Variants in ARHGAP24 observed in about 807,000 individuals in gnomAD.
ARHGAP24 encodes rho GTPase-activating protein 24.
Under a neutral mutation model 76.4 loss-of-function variants are expected in ARHGAP24, and 50 were observed. That is an observed-to-expected ratio of 0.65 (90% CI 0.52 to 0.83). ARHGAP24 has a LOEUF of 0.83. ARHGAP24 is among the 40% of genes least tolerant of loss of function. The pLI, the probability that ARHGAP24 is intolerant of heterozygous loss-of-function variation, is 0.00. For missense variants in ARHGAP24, 930 were observed against 914.2 expected (o/e 1.02, Z -0.22); for synonymous variants, 345 against 323.3 (o/e 1.07, Z -0.72).
At chr4:85,709,457 A>T (rs1324138580) in intron 2 of ARHGAP24, among the ~76,000 whole-genome samples, 1 of 152,328 alleles carries the variant, frequency 6.6e-6, no homozygotes, top group East Asian at 1.9e-4. Context: ...AATTAGGAAT[A>T]GAGGGGAACC....
rs559425258 is a variant in ARHGAP24, at chr4:85,920,127, T to C, written c.269-3521T>C. 2.6e-5 allele frequency among the ~76,000 whole-genome samples: 4 copies of C among 152,338 alleles called. No individual in the cohort carries two copies. The South Asian group carries it at 8.3e-4, about 32-fold the overall frequency. ...TTGACTAATTGTTCTCAAACACTTA[T>C]TAGATTTAATATCTCTGGGATCGAT... On this transcript the variant is annotated intron_variant, in intron 3 of 9. Transcript: ENST00000395184.
At chr4:85,784,126 T>G (rs17395132) in intron 3 of ARHGAP24, among the ~76,000 whole-genome samples, 30,509 of 152,202 alleles carry the variant, frequency 0.2, 4,187 homozygotes, top group Non-Finnish European at 0.3. Flanking sequence ...AGGTTGCTCA[T>G]GATGGCTGAA....
At chr4:85,828,528 TAAA>T (rs67257658) in intron 3 of ARHGAP24, among the ~76,000 whole-genome samples, 12,530 of 146,120 alleles carry the variant, frequency 0.086, 613 homozygotes, top group Middle Eastern at 0.14. Context: ...TTTTTTTTTT[TAAA>T]AAAAGCCAAA....
chr4:85,747,261 A>G (rs1269586028), intron 3 of ARHGAP24, among the ~76,000 whole-genome samples: 1 of 152,178 alleles, frequency 6.6e-6, no homozygotes, highest in African/African-American at 2.4e-5. Flanking sequence ...AAATATCTTT[A>G]GAGTAGAAAG....
At chr4:85,803,876 G>A (rs1433361754) in intron 3 of ARHGAP24, among the ~76,000 whole-genome samples, 1 of 151,088 alleles carries the variant, frequency 6.6e-6, no homozygotes, top group Admixed American at 6.6e-5. Context: ...CAAACACTTC[G>A]TTTCCAGTGC....
chr4:85,929,552 T>A (rs3806763), intron 4 of ARHGAP24, among the ~76,000 whole-genome samples: 14,178 of 152,142 alleles, frequency 0.093, 775 homozygotes, highest in South Asian at 0.16. Context: ...ACATGGGGGC[T>A]GGGGTGCAGA....
At chr4:85,509,568 A>G (rs187908034) in intron 1 of ARHGAP24, among the ~76,000 whole-genome samples, 210 of 152,088 alleles carry the variant, frequency 1.4e-3, no homozygotes, top group African/African-American at 5.0e-3. Context: ...TACCTAATGA[A>G]CCATTTGTCT....
intron 9 of ARHGAP24, chr4:85,999,798 T>C (rs749892395): frequency 2.6e-5 from 4 of 152,194 alleles, no homozygotes; most frequent in Non-Finnish European, 5.9e-5. Flanking sequence ...TATAGAGATA[T>C]AAAATACCTA....
At chr4:85,677,880 T>C (rs1260177668) in intron 2 of ARHGAP24, among the ~76,000 whole-genome samples, 5 of 152,074 alleles carry the variant, frequency 3.3e-5, no homozygotes, top group African/African-American at 1.2e-4. Context: ...AGACCCTATC[T>C]CTATAGAGAA....
At chr4:85,490,408 T>A (rs914415182) in intron 1 of ARHGAP24, among the ~76,000 whole-genome samples, 5 of 152,222 alleles carry the variant, frequency 3.3e-5, no homozygotes, top group African/African-American at 1.2e-4. Flanking sequence ...TTGCCTTAAA[T>A]CTGAGCTTTG....
chr4:85,831,763 A>G (rs1284359564), intron 3 of ARHGAP24, among the ~76,000 whole-genome samples: 1 of 152,074 alleles, frequency 6.6e-6, no homozygotes, highest in Non-Finnish European at 1.5e-5. Flanking sequence ...TTAGTGGGAC[A>G]TGGTGGTATG....
rs78947081 is a variant in ARHGAP24, at chr4:85,481,610, C to T, written c.-21+6051C>T. On this transcript the variant is annotated intron_variant, in intron 1 of 9. Coordinates refer to ENST00000395184, the MANE Select transcript of ARHGAP24 (RefSeq NM_001025616.3). ...ATCTATAGTGATTAGCCTAACCAGA[C>T]TATTTTCTGGTGAGAAGTGAACAGG... Among the ~76,000 whole-genome samples the T allele has an allele frequency of 3.9e-5, 6 of 152,298 alleles. No homozygotes were observed. The East Asian group carries it at 1.2e-3, about 29-fold the overall frequency.
intron 1 of ARHGAP24, among the ~76,000 whole-genome samples, chr4:85,538,538 G>T (rs1314288525): frequency 6.6e-6 from 1 of 152,122 alleles, no homozygotes; most frequent in Admixed American, 6.5e-5. Flanking sequence ...AGGATGGTCA[G>T]TAAAGCCCCA....
At chr4:85,513,526 A>C (rs1003332790) in intron 1 of ARHGAP24, among the ~76,000 whole-genome samples, 1 of 151,840 alleles carries the variant, frequency 6.6e-6, no homozygotes, top group African/African-American at 2.4e-5. Context: ...CAGTTGCCTA[A>C]ACACTCTCCA....
At chr4:85,542,151 G>A (rs2110123653) in intron 1 of ARHGAP24, among the ~76,000 whole-genome samples, 1 of 152,260 alleles carries the variant, frequency 6.6e-6, no homozygotes, top group Non-Finnish European at 1.5e-5. Flanking sequence ...GTGGGGTGCA[G>A]TCCACTCTCC....
chr4:85,571,461 T>C (rs1177172047), intron 2 of ARHGAP24, among the ~76,000 whole-genome samples: 1 of 152,218 alleles, frequency 6.6e-6, no homozygotes, highest in Non-Finnish European at 1.5e-5. Flanking sequence ...GTGTTTTTCA[T>C]CTACGTCTAT....
At chr4:85,926,882 A>G (rs1736049267) in intron 4 of ARHGAP24, among the ~76,000 whole-genome samples, 2 of 152,204 alleles carry the variant, frequency 1.3e-5, no homozygotes, top group South Asian at 4.1e-4. Flanking sequence ...ATAGCAAAAT[A>G]GTGTGATCTA....
chr4:85,493,300 T>C (rs1723430899), intron 1 of ARHGAP24, among the ~76,000 whole-genome samples: 1 of 152,268 alleles, frequency 6.6e-6, no homozygotes, highest in African/African-American at 2.4e-5. Context: ...CTTTCAGCTA[T>C]GAATTTTGTA....
intron 3 of ARHGAP24, among the ~76,000 whole-genome samples, chr4:85,875,537 T>C (rs1207883573): frequency 1.1e-5 from 1 of 94,672 alleles, no homozygotes; most frequent in African/African-American, 4.2e-5. Flanking sequence ...ATAATATATA[T>C]TATTTATATT....
Sources: gnomAD v4.1 joint callset for allele counts (sites outside exome capture counted in the v4.1 genomes callset) on GRCh38, gnomAD v4.1.1 for gene constraint, MANE v1.5 for transcripts, NCBI Gene and HGNC (gene_info 2026-07-23, HGNC 2026-07-21) for gene names.